Variants in NLRP2 observed in about 807,000 individuals in gnomAD.
NLRP2 encodes NACHT, LRR and PYD domains-containing protein 2.
A neutral mutation model predicts 97.2 loss-of-function variants in NLRP2; 107 were observed. The observed-to-expected ratio is 1.10, with a 90% CI of 0.94 to 1.29. NLRP2 has a LOEUF of 1.29. NLRP2 is among the 50% of genes most tolerant of loss of function. The probability of loss-of-function intolerance (pLI) is 0.00; values close to 1 mark genes in which losing one functional copy is unlikely to be tolerated. For missense variants in NLRP2, 1,495 were observed against 1,330.3 expected, an observed-to-expected ratio of 1.12 and a Z score of -1.93; for synonymous variants, 663 against 551.5, an observed-to-expected ratio of 1.20 and a Z score of -2.83.
At chr19:54,975,455 A>ATT (rs34340544) in intron 3 of NLRP2, among the ~76,000 whole-genome samples, 8 of 132,506 alleles carry the variant, frequency 6.0e-5, no homozygotes, top group Non-Finnish European at 1.1e-4. Flanking sequence ...GATTATTATT[A>ATT]TTTTTTTTTT....
intron 6 of NLRP2, among the ~76,000 whole-genome samples, chr19:54,983,950 A>G (rs1011185843): frequency 6.6e-6 from 1 of 152,052 alleles, no homozygotes; most frequent in Admixed American, 6.6e-5. Context: ...TCCCGGGTTC[A>G]AGTGATTCTT....
intron 4 of NLRP2, among the ~76,000 whole-genome samples, chr19:54,979,878 G>T (rs1568486709): frequency 6.6e-6 from 1 of 152,164 alleles, no homozygotes; most frequent in South Asian, 2.1e-4. Context: ...CCAGGTTCAA[G>T]CGATTCTCCT....
intron 2 of NLRP2, among the ~76,000 whole-genome samples, chr19:54,970,770 CTT>C (rs34406686): frequency 2.3e-3 from 249 of 108,462 alleles, no homozygotes; most frequent in African/African-American, 4.1e-3. Context: ...CTACCTACTT[CTT>C]TTTTTTTTTT....
rs940647198 is a variant in NLRP2, at chr19:54,974,612, G to A, written c.325+68G>A. On this transcript the variant is annotated intron_variant, in intron 3 of 12. Coordinates refer to ENST00000448584, the MANE Select transcript of NLRP2 (RefSeq NM_017852.5). ...TGGGGACTCGGGCCTTTGTTTTAAG[G>A]AGAATGTGCTGAGCACTAAGAATGC... 4.5e-6 allele frequency: 5 copies of A among 1,109,682 alleles called. No homozygotes were observed. The Admixed American group carries it at 6.9e-5, about 15-fold the overall frequency. 68.7% of individuals were successfully genotyped at this position (1,109,682 alleles called of 1,614,324 possible). A position where few individuals can be genotyped will look rare whatever the true frequency, so the allele number is the denominator to read the frequency against.
chr19:54,996,482 G>A (rs1014699898), intron 11 of NLRP2, among the ~76,000 whole-genome samples: 5 of 152,136 alleles, frequency 3.3e-5, no homozygotes, highest in African/African-American at 7.2e-5. Context: ...CAGCCCTGGC[G>A]AGAGAGCAAG....
At chr19:54,969,958 A>G in intron 1 of NLRP2, 41 bp from the exon 2 acceptor site, 1 of 1,598,498 alleles carries the variant, frequency 6.3e-7, no homozygotes, top group Non-Finnish European at 8.6e-7. Flanking sequence ...AGGAGTGCTA[A>G]TCACCATCCC....
intron 3 of NLRP2, among the ~76,000 whole-genome samples, chr19:54,975,122 TTTTTTTTTTTTTTTTTTTTTTG>T (rs1769924100): frequency 1.1e-5 from 1 of 93,584 alleles, no homozygotes; most frequent in African/African-American, 4.6e-5. Context: ...TTTTTTTTTT[TTTTTTTTTTTTTTTTTTTTTTG>T]AAACAGGGCT....
rs186106022 is a variant in NLRP2 at position 55,000,957 on chromosome 19, G to C, written c.*59G>C. 1.3e-5 allele frequency: 20 copies of C among 1,513,784 alleles called. No homozygotes were observed. The African/African-American group carries it at 2.5e-4, about 19-fold the overall frequency. 93.8% of individuals were successfully genotyped at this position (1,513,784 alleles called of 1,614,324 possible). A position where few individuals can be genotyped will look rare whatever the true frequency, so the allele number is the denominator to read the frequency against. On this transcript the variant is annotated 3_prime_UTR_variant, in exon 13 of 13. Coordinates refer to ENST00000448584, the MANE Select transcript of NLRP2 (RefSeq NM_017852.5). ...TCGATTTTCCAGGTGTTGGTGAACT[G>C]CCTGTGACTCCTCTCCTCCCCGGCC...
intron 11 of NLRP2, among the ~76,000 whole-genome samples, chr19:54,995,266 C>G (rs2072745772): frequency 6.9e-6 from 1 of 144,018 alleles, no homozygotes; most frequent in African/African-American, 2.6e-5. Flanking sequence ...TCTCAGCTCA[C>G]TGCAACCTCC....
intron 3 of NLRP2, among the ~76,000 whole-genome samples, chr19:54,976,392 C>A (rs969241362): frequency 6.6e-6 from 1 of 151,458 alleles, no homozygotes; most frequent in African/African-American, 2.4e-5. Context: ...TGCTCTGTCA[C>A]CCAGGCTGGA....
intron 3 of NLRP2, among the ~76,000 whole-genome samples, chr19:54,975,019 T>C (rs1185686520): frequency 2.6e-5 from 4 of 151,352 alleles, no homozygotes; most frequent in African/African-American, 9.7e-5. Context: ...CAGGCTGGTC[T>C]TGAACTCCTG....
intron 12 of NLRP2, among the ~76,000 whole-genome samples, chr19:55,000,056 A>T (rs1010755560): frequency 2.0e-5 from 3 of 151,990 alleles, no homozygotes; most frequent in African/African-American, 7.2e-5. Flanking sequence ...ATTTAAAAAT[A>T]AAAAATAAGC....
At chr19:54,986,554 A>T (rs2072101124) in intron 8 of NLRP2, among the ~76,000 whole-genome samples, 1 of 136,340 alleles carries the variant, frequency 7.3e-6, no homozygotes, top group South Asian at 2.2e-4. Flanking sequence ...AATCTTTATC[A>T]TCTTTTTTTT....
intron 3 of NLRP2, among the ~76,000 whole-genome samples, chr19:54,975,446 A>G (rs1322961544): frequency 3.9e-5 from 4 of 102,554 alleles, no homozygotes; most frequent in Admixed American, 1.1e-4. Context: ...TATCCTGAAG[A>G]TTATTATTAT....
At chr19:54,981,594 T>G in intron 4 of NLRP2, 23 bp from the exon 5 acceptor site, 1 of 1,333,720 alleles carries the variant, frequency 7.5e-7, no homozygotes. Context: ...TGTGTCAATC[T>G]CACATGAGTT....
At chr19:54,996,058 A>AAAC (rs1295933477) in intron 11 of NLRP2, among the ~76,000 whole-genome samples, 1 of 150,940 alleles carries the variant, frequency 6.6e-6, no homozygotes, top group Admixed American at 6.6e-5. Context: ...AAAAAACAAA[A>AAAC]AAAACAAAGG....
chr19:54,970,654 C>G (rs1345803629), intron 2 of NLRP2, among the ~76,000 whole-genome samples: 1 of 149,716 alleles, frequency 6.7e-6, no homozygotes. Flanking sequence ...AAAATTCTGT[C>G]TCAAAAAAAA....
rs375510249 is a variant in NLRP2 at position 54,998,611 on chromosome 19, CTTTTTT to C, written c.3050+1137_3050+1142del. Among the ~76,000 whole-genome samples the C allele has an allele frequency of 0.01, 430 of 42,142 alleles. 6 individuals carry two copies. In the South Asian group the frequency reaches 0.1, roughly 10 times the overall value. The allele number at this position is 42,142 out of a possible 152,430, so 27.6% of individuals were successfully genotyped here. On this transcript the variant is annotated intron_variant, in intron 12 of 12. Transcript: ENST00000448584. Reference sequence around the variant, plus strand: ...CTTTTTTTTGGGGTGCATCTTTTTTCTTTTTTTTTTTTTTTTTTCCTTTTTTTTTTT... The same window carrying C: ...CTTTTTTTTGGGGTGCATCTTTTTTCTTTTTTTTTTTTCCTTTTTTTTTTT...
At chr19:54,996,044 A>AAAAAAAAC (rs2072793817) in intron 11 of NLRP2, among the ~76,000 whole-genome samples, 1 of 146,096 alleles carries the variant, frequency 6.8e-6, no homozygotes, top group African/African-American at 2.6e-5. Flanking sequence ...TCTCAAAAAA[A>AAAAAAAAC]AAAAAAAAAC....
Sources: gnomAD v4.1 joint callset for allele counts (sites outside exome capture counted in the v4.1 genomes callset) on GRCh38, gnomAD v4.1.1 for gene constraint, MANE v1.5 for transcripts, NCBI Gene and HGNC (gene_info 2026-07-23, HGNC 2026-07-21) for gene names.